FARS2: variants seen among roughly 807,000 people sequenced by gnomAD.
FARS2 encodes phenylalanine--tRNA ligase, mitochondrial.
A neutral mutation model predicts 46.4 loss-of-function variants in FARS2; 40 were observed. The ratio of observed to expected loss-of-function variants is 0.86; its 90% CI spans 0.67 to 1.12. The LOEUF is 1.12. Ranked by LOEUF, FARS2 falls within the 50% of genes most tolerant of loss-of-function variation. FARS2 has a pLI of 0.00. For missense variants in FARS2, 513 were observed against 567.9 expected (o/e 0.90, Z 0.98); for synonymous variants, 234 against 214.9 (o/e 1.09, Z -0.78).
intron 1 of FARS2, among the ~76,000 whole-genome samples, chr6:5,314,653 C>T (rs1019727982): frequency 3.9e-5 from 6 of 152,244 alleles, no homozygotes; most frequent in African/African-American, 1.4e-4. Context: ...TCTTATAGCT[C>T]ATTTGCATGA....
chr6:5,258,072 G>C (rs1000985490), upstream of FARS2, among the ~76,000 whole-genome samples: 4 of 152,172 alleles, frequency 2.6e-5, no homozygotes, highest in African/African-American at 9.7e-5. Context: ...CTGCTGGATA[G>C]AACAGTACTT....
chr6:5,578,522 A>G lies in FARS2; in HGVS notation c.1065+33182A>G, dbSNP rs141107636. ...TAAAAAGATAATAAGAAAAAAGAAA[A>G]CAGTGGGCCAGGCACGGTGGCTCAC... On this transcript the variant is annotated intron_variant, in intron 5 of 6. Transcript: ENST00000274680. 7.9e-3 allele frequency among the ~76,000 whole-genome samples: 1,195 copies of G among 152,208 alleles called. 11 individuals carry two copies. The highest frequency in any genetic ancestry group is 0.027 in the African/African-American group (1,139 of 41,522).
At chr6:5,259,641 C>A (rs1423907028), upstream of FARS2, among the ~76,000 whole-genome samples, 1 of 152,170 alleles carries the variant, frequency 6.6e-6, no homozygotes. Flanking sequence ...GCCTACCTAA[C>A]CAGGTGTGTT....
At chr6:5,601,395 G>A (rs1335969452) in intron 5 of FARS2, among the ~76,000 whole-genome samples, 2 of 151,740 alleles carry the variant, frequency 1.3e-5, no homozygotes, top group African/African-American at 2.4e-5. Context: ...ATGGTGGCGG[G>A]CGCCTGTAAT....
At chr6:5,738,869 C>T (rs9502333) in intron 6 of FARS2, among the ~76,000 whole-genome samples, 94,383 of 151,896 alleles carry the variant, frequency 0.62, 30,332 homozygotes, top group African/African-American at 0.78. Flanking sequence ...TTTTCTAGAA[C>T]GTAAGACAAA....
chr6:5,354,817 C>G (rs1757813238), intron 1 of FARS2, among the ~76,000 whole-genome samples: 1 of 151,992 alleles, frequency 6.6e-6, no homozygotes, highest in Admixed American at 6.6e-5. Context: ...CCGGCCTATG[C>G]TAGTGGTTTT....
chr6:5,269,444 G>C (rs1245781324), intron 1 of FARS2, among the ~76,000 whole-genome samples: 1 of 118,116 alleles, frequency 8.5e-6, no homozygotes, highest in Admixed American at 9.7e-5. Context: ...ATGTACCCTA[G>C]AACTTAAAGT....
In FARS2 at chr6:5,423,828, G is replaced by T. The variant is rs547380149; in HGVS notation, c.773-7213G>T. On this transcript the variant is annotated intron_variant, in intron 3 of 6. Coordinates refer to ENST00000274680, the MANE Select transcript of FARS2 (RefSeq NM_006567.5). ...CTTAAAGAGTCACAGTGGTGGCATT[G>T]CCAGGTTTGTAAGGCCCTAGATAGG... Among the ~76,000 whole-genome samples, 10 of 152,284 alleles carry T rather than the reference G, an allele frequency of 6.6e-5. No individual in the cohort carries two copies. In the South Asian group the frequency reaches 2.1e-3, roughly 32 times the overall value.
chr6:5,626,269 G>C (rs968277018), intron 6 of FARS2, among the ~76,000 whole-genome samples: 1 of 152,128 alleles, frequency 6.6e-6, no homozygotes, highest in Non-Finnish European at 1.5e-5. Context: ...GTCCAGATGA[G>C]GGTACGTAAT....
chr6:5,659,690 A>C (rs1158558792), intron 6 of FARS2, among the ~76,000 whole-genome samples: 1 of 152,230 alleles, frequency 6.6e-6, no homozygotes, highest in African/African-American at 2.4e-5. Flanking sequence ...CTTAAATGCT[A>C]CATACCAGTG....
intron 6 of FARS2, among the ~76,000 whole-genome samples, chr6:5,701,080 A>G (rs1272690859): frequency 6.6e-6 from 1 of 152,262 alleles, no homozygotes; most frequent in Non-Finnish European, 1.5e-5. Flanking sequence ...CCTGCTGCAA[A>G]GGGTCCAGAA....
intron 4 of FARS2, among the ~76,000 whole-genome samples, chr6:5,446,832 G>T (rs1191658077): frequency 6.6e-6 from 1 of 152,120 alleles, no homozygotes; most frequent in Non-Finnish European, 1.5e-5. Flanking sequence ...ATCTCACTTA[G>T]TCACCCATTT....
At chr6:5,500,268 A>T (rs1182313406) in intron 4 of FARS2, among the ~76,000 whole-genome samples, 1 of 152,198 alleles carries the variant, frequency 6.6e-6, no homozygotes, top group Non-Finnish European at 1.5e-5. Context: ...AATTCTGGTA[A>T]CTTGGGTACT....
At chr6:5,738,176 T>G (rs778339508) in intron 6 of FARS2, among the ~76,000 whole-genome samples, 1 of 152,228 alleles carries the variant, frequency 6.6e-6, no homozygotes, top group Non-Finnish European at 1.5e-5. Flanking sequence ...GGTCTCAAAC[T>G]CCAGGCTCAA....
chr6:5,280,119 A>C (rs1440755809), intron 1 of FARS2, among the ~76,000 whole-genome samples: 1 of 152,190 alleles, frequency 6.6e-6, no homozygotes, highest in East Asian at 1.9e-4. Flanking sequence ...GCTGCATGGC[A>C]GCCAGCTACA....
intron 6 of FARS2, among the ~76,000 whole-genome samples, chr6:5,650,409 G>A (rs9504471): frequency 0.066 from 9,975 of 151,918 alleles, 904 homozygotes; most frequent in African/African-American, 0.2. Flanking sequence ...ATTCTGCAAG[G>A]CTCATTAATT....
intron 4 of FARS2, among the ~76,000 whole-genome samples, chr6:5,520,389 T>G (rs1347323858): frequency 6.6e-6 from 1 of 152,192 alleles, no homozygotes; most frequent in Non-Finnish European, 1.5e-5. Flanking sequence ...GTGTCTTGCT[T>G]TCTTAGACTT....
At chr6:5,528,832 G>T (rs1225406095) in intron 4 of FARS2, among the ~76,000 whole-genome samples, 1 of 152,118 alleles carries the variant, frequency 6.6e-6, no homozygotes, top group Admixed American at 6.5e-5. Flanking sequence ...CTTTCCTCCT[G>T]ACTGATACGT....
chr6:5,373,035 A>G (rs989383846), intron 2 of FARS2, among the ~76,000 whole-genome samples: 16 of 152,230 alleles, frequency 1.1e-4, no homozygotes, highest in Middle Eastern at 3.4e-3. Flanking sequence ...CTACAACACA[A>G]TTAGGTGACA....
Sources: allele counts gnomAD v4.1 joint callset (sites outside exome capture counted in the v4.1 genomes callset), GRCh38; gene constraint gnomAD v4.1.1; transcripts MANE v1.5; gene names NCBI Gene and HGNC (gene_info 2026-07-23, HGNC 2026-07-21).